The following KIF24 variants were observed in gnomAD, a reference collection of about 807,000 sequenced individuals.
KIF24 encodes the protein kinesin family member 24.
Under a neutral mutation model 118.9 loss-of-function variants are expected in KIF24, and 81 were observed. The ratio of observed to expected loss-of-function variants is 0.68; its 90% CI spans 0.57 to 0.82. KIF24 has a LOEUF of 0.82. Ranked by LOEUF, KIF24 falls within the 40% of genes least tolerant of loss-of-function variation. KIF24 has a pLI of 0.00. For synonymous variants in KIF24, 599 were observed against 610.0 expected, an observed-to-expected ratio of 0.98 and a Z score of 0.27; for missense variants, 1,560 against 1,661.6, an observed-to-expected ratio of 0.94 and a Z score of 1.06.
intron 7 of KIF24, among the ~76,000 whole-genome samples, chr9:34,269,745 C>A (rs979900020): frequency 6.6e-6 from 1 of 151,994 alleles, no homozygotes; most frequent in African/African-American, 2.4e-5. Context: ...TATCAGCCAG[C>A]ATTCTGTGAC....
chr9:34,287,910 TAAA>T (rs79148065), intron 5 of KIF24, among the ~76,000 whole-genome samples: 1 of 131,968 alleles, frequency 7.6e-6, no homozygotes, highest in Non-Finnish European at 1.6e-5. Context: ...CATCTCTGTT[TAAA>T]AAAAAAAAAA....
chr9:34,266,964 C>A (rs1359903331), intron 8 of KIF24, among the ~76,000 whole-genome samples: 1 of 151,952 alleles, frequency 6.6e-6, no homozygotes, highest in Non-Finnish European at 1.5e-5. Context: ...TAAACAACAA[C>A]AATAAAACAA....
intron 3 of KIF24, among the ~76,000 whole-genome samples, chr9:34,298,544 CA>C (rs5897564): frequency 0.49 from 66,782 of 135,836 alleles, 18,078 homozygotes; most frequent in South Asian, 0.65. Context: ...AACTCCATCT[CA>C]AAAAAAAAAA....
At chr9:34,298,792 G>C (rs1298177853) in intron 3 of KIF24, among the ~76,000 whole-genome samples, 2 of 152,088 alleles carry the variant, frequency 1.3e-5, no homozygotes, top group Non-Finnish European at 2.9e-5. Flanking sequence ...GAGGTAAAAA[G>C]CATCTAAATT....
chr9:34,333,355 A>G (rs2131853534), upstream of KIF24, among the ~76,000 whole-genome samples: 1 of 152,298 alleles, frequency 6.6e-6, no homozygotes, highest in South Asian at 2.1e-4. Flanking sequence ...GGCCAGGCAC[A>G]GTAGATTGCA....
chr9:34,312,014 C>T (rs1044662059), intron 1 of KIF24, among the ~76,000 whole-genome samples: 1 of 151,994 alleles, frequency 6.6e-6, no homozygotes, highest in African/African-American at 2.4e-5. Flanking sequence ...TGAACAGGGG[C>T]TAAGAACTCT....
At chr9:34,254,549 C>G in intron 12 of KIF24, 29 bp from the exon 13 acceptor site, 1 of 1,605,478 alleles carries the variant, frequency 6.2e-7, no homozygotes, top group South Asian at 1.1e-5. Context: ...ACGAATACAG[C>G]TTTTGCTCTT....
chr9:34,311,396 C>A (rs752407021), intron 1 of KIF24, 25 bp from the exon 2 acceptor site: 12 of 1,303,820 alleles, frequency 9.2e-6, no homozygotes, highest in Non-Finnish European at 8.3e-6. Flanking sequence ...AAAAGCCATT[C>A]GCTTGAAATA....
intron 6 of KIF24, among the ~76,000 whole-genome samples, chr9:34,275,853 T>C (rs951905601): frequency 2.0e-5 from 3 of 152,010 alleles, no homozygotes; most frequent in Non-Finnish European, 4.4e-5. Context: ...AAAAAATTAT[T>C]TGATAGAATC....
chr9:34,257,273 T>C lies in KIF24; in HGVS notation c.2334A>G (p.Gln778=), dbSNP rs1314436490. ...TCAGTGGTTGGTATTTTAACTTCTG[T>C]TGGAGGAGAGGTGGCTGTTGGAACT... ...HQQFQQPPLL[Q]QKLKYQPLKR... Residue 778 remains glutamine (Q), a synonymous_variant, in exon 11 of 13, where the codon CAA becomes CAG. Transcript: ENST00000402558. 5.0e-6 allele frequency: 8 copies of C among 1,613,932 alleles called. No homozygotes were observed. Among genetic ancestry groups the C allele is most frequent in the African/African-American group, 2.7e-5 (2 of 74,944 alleles).
chr9:34,256,581 C>T lies in KIF24; in HGVS notation c.3026G>A (p.Arg1009Lys), dbSNP rs117856906. ...DQRDTVTTPL[R>K]EVSADGPIQV... ...GATTGGGCCGTCTGCACTGACTTCT[C>T]TCAGAGGTGTGGTGACTGTGTCTCT... The change falls in exon 11 of 13, where the codon AGA (arginine) becomes AAA (lysine). Residue 1009 changes from arginine (R) to lysine (K), a missense_variant. Physicochemically the swap from Arg to Lys is conservative, Grantham distance 26. Coordinates refer to ENST00000402558, the MANE Select transcript of KIF24 (RefSeq NM_194313.4). The T allele has an allele frequency of 7.6e-4, 1,231 of 1,614,022 alleles. 1 individual carries two copies. Among genetic ancestry groups the T allele is most frequent in the Non-Finnish European group, 9.6e-4 (1,138 of 1,179,914 alleles).
upstream of KIF24, among the ~76,000 whole-genome samples, chr9:34,333,451 AC>A (rs1437963188): frequency 6.6e-6 from 1 of 151,838 alleles, no homozygotes; most frequent in South Asian, 2.1e-4. Flanking sequence ...GCATAGCAAG[AC>A]CCCATCTCTA....
At chr9:34,278,346 G>A (rs1311217552) in intron 6 of KIF24, among the ~76,000 whole-genome samples, 3 of 152,108 alleles carry the variant, frequency 2.0e-5, no homozygotes, top group Non-Finnish European at 4.4e-5. Flanking sequence ...GGAGGCAGAG[G>A]TTGCGGTGAG....
upstream of KIF24, among the ~76,000 whole-genome samples, chr9:34,332,455 A>G (rs1280573137): frequency 2.0e-5 from 3 of 152,224 alleles, no homozygotes; most frequent in African/African-American, 4.8e-5. Flanking sequence ...GGTGCTTGGT[A>G]GTATTCAGCT....
chr9:34,292,877 C>A lies in KIF24; in HGVS notation c.912-2488G>T, dbSNP rs1836308751. On this transcript the variant is annotated intron_variant, in intron 4 of 12. Coordinates refer to ENST00000402558, the MANE Select transcript of KIF24 (RefSeq NM_194313.4). The stretch of plus-strand genomic sequence containing the variant: ...AATAATATCTACTTTACTTTCTGAA[C>A]AGTTTAGGGATGAGCTTTTTCAAAA... Among the ~76,000 whole-genome samples, 2 of 152,234 alleles carry A rather than the reference C, an allele frequency of 1.3e-5. 1 individual carries two copies. The highest frequency in any genetic ancestry group is 4.1e-4 in the South Asian group (2 of 4,826).
intron 3 of KIF24, among the ~76,000 whole-genome samples, chr9:34,303,776 G>T (rs1241636992): frequency 6.6e-6 from 1 of 152,156 alleles, no homozygotes; most frequent in Non-Finnish European, 1.5e-5. Context: ...TTGAGCTCAG[G>T]AGATGGAGGT....
chr9:34,302,469 A>ATTT (rs34131990), intron 3 of KIF24, among the ~76,000 whole-genome samples: 3 of 138,550 alleles, frequency 2.2e-5, no homozygotes, highest in Non-Finnish European at 3.1e-5. Context: ...ACGCTTGGCA[A>ATTT]TTTTTTTTTT....
chr9:34,254,850 A>G (rs1182954748), intron 12 of KIF24, among the ~76,000 whole-genome samples: 1 of 152,174 alleles, frequency 6.6e-6, no homozygotes, highest in African/African-American at 2.4e-5. Context: ...GAGGCTGGAA[A>G]CATTTTAGCC....
chr9:34,264,386 T>C (rs1835205233), intron 8 of KIF24, among the ~76,000 whole-genome samples: 1 of 150,562 alleles, frequency 6.6e-6, no homozygotes, highest in Non-Finnish European at 1.5e-5. Flanking sequence ...GCTGAGATCA[T>C]GCCACTGTAC....
Sources: gnomAD v4.1 joint callset for allele counts (sites outside exome capture counted in the v4.1 genomes callset) on GRCh38, gnomAD v4.1.1 for gene constraint, MANE v1.5 for transcripts, NCBI Gene and HGNC (gene_info 2026-07-23, HGNC 2026-07-21) for gene names.